The following CACNA2D3 variants were observed in gnomAD, a reference collection of about 807,000 sequenced individuals.
The protein encoded by CACNA2D3 is calcium voltage-gated channel auxiliary subunit alpha2delta 3.
CACNA2D3 carries 60 observed loss-of-function variants against 160.6 expected under a neutral mutation model. The ratio of observed to expected loss-of-function variants is 0.37; its 90% CI spans 0.30 to 0.46. The LOEUF is 0.46. CACNA2D3 is among the 20% of genes least tolerant of loss of function. The pLI is 1.00. For missense variants in CACNA2D3, 1,205 were observed against 1,365.0 expected (o/e 0.88, Z 1.85); for synonymous variants, 558 against 492.9 (o/e 1.13, Z -1.75).
intron 16 of CACNA2D3, 98 bp downstream of exon 16, chr3:54,838,746 T>G: frequency 1.1e-6 from 1 of 893,454 alleles, no homozygotes; most frequent in South Asian, 1.4e-5. Flanking sequence ...GGAGCGATGT[T>G]TTTGCTCACC....
intron 3 of CACNA2D3, among the ~76,000 whole-genome samples, chr3:54,362,786 G>T (rs1698764970): frequency 6.6e-6 from 1 of 152,234 alleles, no homozygotes; most frequent in African/African-American, 2.4e-5. Context: ...GTCAACTGCA[G>T]CAGAGACCAG....
chr3:55,022,590 TTTTCCTTCTTTC>T (rs1207627932), intron 35 of CACNA2D3, among the ~76,000 whole-genome samples: 3 of 135,334 alleles, frequency 2.2e-5, no homozygotes, highest in African/African-American at 9.0e-5. Context: ...TTCCTTCCTT[TTTTCCTTCTTTC>T]TTTCCTTCCC....
rs573385385 is a variant in CACNA2D3 at position 54,785,833 on chromosome 3, A to C, written c.1380+21482A>C. 4.9e-4 allele frequency among the ~76,000 whole-genome samples: 75 copies of C among 152,020 alleles called. 2 individuals carry two copies. The highest frequency in any genetic ancestry group is 3.1e-4 in the Non-Finnish European group (21 of 67,962). On this transcript the variant is annotated intron_variant, in intron 13 of 37. Transcript: ENST00000474759. ...TTGAGACACAAGTCCTATTGATTCCACTCTCAGTATACATCTCATATATTT... is the reference window on the plus strand; with the variant it reads ...TTGAGACACAAGTCCTATTGATTCCCCTCTCAGTATACATCTCATATATTT...
At chr3:55,033,516 T>C (rs1289096256) in intron 35 of CACNA2D3, among the ~76,000 whole-genome samples, 1 of 150,074 alleles carries the variant, frequency 6.7e-6, no homozygotes, top group Admixed American at 6.8e-5. Context: ...TAACACAGTG[T>C]ATATATTGTA....
chr3:54,822,749 T>C (rs1166110490), intron 14 of CACNA2D3, among the ~76,000 whole-genome samples: 11 of 70,908 alleles, frequency 1.6e-4, no homozygotes, highest in Admixed American at 4.9e-4. Context: ...TTTCTTTCTT[T>C]CTTTCTTTCT....
At chr3:54,752,860 T>A (rs1245543728) in intron 12 of CACNA2D3, among the ~76,000 whole-genome samples, 183 bp downstream of exon 12, 1 of 149,438 alleles carries the variant, frequency 6.7e-6, no homozygotes, top group African/African-American at 2.4e-5. Context: ...CTGTTCTTTT[T>A]TTTTTTATTT....
At chr3:54,403,393 A>C (rs1017983888) in intron 4 of CACNA2D3, among the ~76,000 whole-genome samples, 8 of 146,322 alleles carry the variant, frequency 5.5e-5, no homozygotes, top group African/African-American at 1.5e-4. Flanking sequence ...ACACACACAC[A>C]CACACGCACA....
chr3:54,474,753 A>C (rs1375008813), intron 4 of CACNA2D3, among the ~76,000 whole-genome samples: 7 of 152,146 alleles, frequency 4.6e-5, no homozygotes, highest in Non-Finnish European at 1.0e-4. Flanking sequence ...GATTCCATGC[A>C]CTTAGAAAAA....
intron 13 of CACNA2D3, among the ~76,000 whole-genome samples, chr3:54,781,647 T>C (rs1702539401): frequency 1.3e-5 from 2 of 152,236 alleles, no homozygotes; most frequent in Admixed American, 6.5e-5. Context: ...CGGTAATTTG[T>C]ACATGTTAAA....
intron 17 of CACNA2D3, among the ~76,000 whole-genome samples, chr3:54,857,553 C>T (rs1486015345): frequency 6.6e-6 from 1 of 152,164 alleles, no homozygotes. Flanking sequence ...CCACAGTTGC[C>T]CGTAGTGGTA....
At position 54,895,457 on chromosome 3, in the gene CACNA2D3, A is replaced by C. The variant is rs577908993; in HGVS notation, c.2247-1292A>C. On this transcript the variant is annotated intron_variant, in intron 25 of 37. Coordinates refer to ENST00000474759, the MANE Select transcript of CACNA2D3 (RefSeq NM_018398.3). ...GAAGGGCATGGGCCTCCTCTCCAAA[A>C]GTGGGCACTCCATCTTTGGTAGAGG... Among the ~76,000 whole-genome samples the C allele has an allele frequency of 7.9e-5, 12 of 152,282 alleles. No individual in the cohort carries two copies. In the South Asian group the frequency reaches 2.5e-3, roughly 32 times the overall value.
At chr3:54,924,591 TG>T (rs1575379045) in intron 27 of CACNA2D3, 3 of 1,541,232 alleles carry the variant, frequency 1.9e-6, no homozygotes, top group Non-Finnish European at 1.8e-6. Flanking sequence ...AACACACAGA[TG>T]GGGGGTTCCA....
intron 27 of CACNA2D3, among the ~76,000 whole-genome samples, chr3:54,944,792 A>T (rs1245697710): frequency 6.7e-6 from 1 of 150,192 alleles, no homozygotes; most frequent in Non-Finnish European, 1.5e-5. Context: ...CTCTGAATAT[A>T]TTGACTGTAG....
intron 29 of CACNA2D3, among the ~76,000 whole-genome samples, chr3:54,980,908 TAA>T: frequency 6.6e-6 from 1 of 152,366 alleles, no homozygotes; most frequent in South Asian, 2.1e-4. Flanking sequence ...CAAAGATTAC[TAA>T]AGTCACCTGA....
At chr3:54,980,200 T>G (rs1204016479) in intron 29 of CACNA2D3, among the ~76,000 whole-genome samples, 5 of 152,230 alleles carry the variant, frequency 3.3e-5, no homozygotes, top group Non-Finnish European at 7.3e-5. Flanking sequence ...GTATTCAGTC[T>G]TAATCAGTTT....
intron 11 of CACNA2D3, among the ~76,000 whole-genome samples, chr3:54,716,908 C>CTTT (rs35289105): frequency 6.9e-6 from 1 of 145,984 alleles, no homozygotes; most frequent in African/African-American, 2.5e-5. Flanking sequence ...TTGTGTGGCA[C>CTTT]TTTTTTTTTT....
At chr3:54,560,119 T>C (rs573081424) in intron 5 of CACNA2D3, among the ~76,000 whole-genome samples, 3 of 152,340 alleles carry the variant, frequency 2.0e-5, no homozygotes, top group African/African-American at 7.2e-5. Context: ...GATTGCTGAG[T>C]CTAATGGTAT....
At chr3:55,061,752 CTT>C (rs1256410602) in intron 35 of CACNA2D3, among the ~76,000 whole-genome samples, 1 of 152,192 alleles carries the variant, frequency 6.6e-6, no homozygotes, top group East Asian at 1.9e-4. Flanking sequence ...ATTGAAATAA[CTT>C]AGGTTCAGTA....
chr3:55,053,476 A>C (rs1008541297), intron 35 of CACNA2D3, among the ~76,000 whole-genome samples: 3 of 151,970 alleles, frequency 2.0e-5, no homozygotes, highest in African/African-American at 7.2e-5. Flanking sequence ...TCTAACAGCA[A>C]TGATTCATGA....
Sources: allele counts gnomAD v4.1 joint callset (sites outside exome capture counted in the v4.1 genomes callset), GRCh38; gene constraint gnomAD v4.1.1; transcripts MANE v1.5; gene names NCBI Gene and HGNC (gene_info 2026-07-23, HGNC 2026-07-21).